The following ARL15 variants were observed in gnomAD, a reference collection of about 807,000 sequenced individuals.
ARL15 encodes the protein ADP-ribosylation factor-like protein 15.
In ARL15, 19 loss-of-function variants were observed where a neutral mutation model predicts 25.2. The ratio of observed to expected loss-of-function variants is 0.75; its 90% CI spans 0.53 to 1.10. The LOEUF (loss-of-function observed/expected upper bound fraction) is 1.10. Ranked by LOEUF, ARL15 falls within the 50% of genes least tolerant of loss-of-function variation. The pLI is 0.00. For missense variants in ARL15, 220 were observed against 246.0 expected (o/e 0.89, Z 0.71); for synonymous variants, 94 against 86.8 (o/e 1.08, Z -0.46).
At chr5:54,110,074 A>C (rs35727162) in intron 4 of ARL15, among the ~76,000 whole-genome samples, 2,107 of 152,124 alleles carry the variant, frequency 0.014, 39 homozygotes, top group Middle Eastern at 0.044. Context: ...GTACAAGACT[A>C]CACTTGCTTT....
intron 3 of ARL15, among the ~76,000 whole-genome samples, chr5:54,117,364 G>GACACACAC (rs776020187): frequency 0.1 from 9,341 of 90,830 alleles, 382 homozygotes; most frequent in South Asian, 0.13. Flanking sequence ...CAAATAGTGA[G>GACACACAC]ACACATACAC....
At chr5:54,085,125 A>C (rs1269192834) in intron 4 of ARL15, among the ~76,000 whole-genome samples, 10 of 152,216 alleles carry the variant, frequency 6.6e-5, no homozygotes, top group Admixed American at 2.0e-4. Context: ...CTGAAATGAC[A>C]CTGCTACCAT....
chr5:54,249,018 T>C (rs964634500), intron 1 of ARL15, among the ~76,000 whole-genome samples: 2 of 151,998 alleles, frequency 1.3e-5, no homozygotes, highest in Non-Finnish European at 2.9e-5. Context: ...ACCTGGGCAC[T>C]GCAGTGAGAC....
chr5:54,217,719 G>C (rs891405977), intron 1 of ARL15, among the ~76,000 whole-genome samples: 1 of 152,050 alleles, frequency 6.6e-6, no homozygotes, highest in South Asian at 2.1e-4. Flanking sequence ...GTTACCCTCG[G>C]TAGAATTAGA....
chr5:54,174,073 T>G (rs1754794686), intron 1 of ARL15, among the ~76,000 whole-genome samples: 1 of 152,194 alleles, frequency 6.6e-6, no homozygotes. Flanking sequence ...CACAGACAAT[T>G]GCAGTTTCTT....
intron 4 of ARL15, among the ~76,000 whole-genome samples, chr5:54,089,566 T>C (rs1654818063): frequency 6.6e-6 from 1 of 152,192 alleles, no homozygotes; most frequent in African/African-American, 2.4e-5. Flanking sequence ...CATTTATCTA[T>C]TTAAATAAGT....
chr5:54,023,873 C>A (rs545227151), intron 4 of ARL15, among the ~76,000 whole-genome samples: 2 of 152,284 alleles, frequency 1.3e-5, no homozygotes, highest in East Asian at 1.9e-4. Context: ...CACGAACCAT[C>A]GTGTCTGCTC....
At chr5:54,177,948 A>G (rs1044327175) in intron 1 of ARL15, among the ~76,000 whole-genome samples, 10 of 152,202 alleles carry the variant, frequency 6.6e-5, no homozygotes, top group African/African-American at 2.2e-4. Context: ...GACTAGCACT[A>G]CAGTTAATAC....
chr5:54,110,255 G>A (rs562096266), intron 4 of ARL15, among the ~76,000 whole-genome samples: 1 of 152,016 alleles, frequency 6.6e-6, no homozygotes, highest in South Asian at 2.1e-4. Flanking sequence ...TCTCTTTGGA[G>A]TCCCACTGAT....
intron 4 of ARL15, among the ~76,000 whole-genome samples, chr5:54,112,856 T>A (rs1047351391): frequency 1.3e-5 from 2 of 152,144 alleles, no homozygotes; most frequent in African/African-American, 4.8e-5. Context: ...ATACTCACGA[T>A]ATGTTCCTAG....
intron 4 of ARL15, among the ~76,000 whole-genome samples, chr5:53,999,421 C>A (rs1305416643): frequency 1.3e-5 from 2 of 151,478 alleles, no homozygotes; most frequent in East Asian, 2.0e-4. Context: ...AAATCCCGTT[C>A]CTGCTAAAAA....
rs956984996 is a variant in ARL15, at chr5:54,145,519, C to T, written c.253+9061G>A. Reference sequence around the variant, plus strand: ...GAGTTGCCATTCCATTTATGGGAATCTAGTTTTATGTTTTTCTGAGAACTT... The same window carrying T: ...GAGTTGCCATTCCATTTATGGGAATTTAGTTTTATGTTTTTCTGAGAACTT... On this transcript the variant is annotated intron_variant, in intron 3 of 4. Coordinates refer to ENST00000504924, the MANE Select transcript of ARL15 (RefSeq NM_019087.3). Among the ~76,000 whole-genome samples the T allele has an allele frequency of 2.0e-5, 3 of 152,048 alleles. No homozygotes were observed. The South Asian group carries it at 6.2e-4, about 32-fold the overall frequency.
chr5:54,149,914 T>G (rs543913281), intron 3 of ARL15, among the ~76,000 whole-genome samples: 2 of 152,142 alleles, frequency 1.3e-5, no homozygotes, highest in Non-Finnish European at 2.9e-5. Flanking sequence ...AAACAAAAAG[T>G]TCACGAAGTA....
In ARL15 at chr5:53,927,958, A is replaced by G. The variant is rs776993988; in HGVS notation, c.463-41245T>C. ...CCTCATCTGTAAGATGTTGCTAATA[A>G]TAACATGTATCTTTAAGGCTATTGT... On this transcript the variant is annotated intron_variant, in intron 4 of 4. Transcript: ENST00000504924. Among the ~76,000 whole-genome samples, 48 of 152,158 alleles carry G rather than the reference A, an allele frequency of 3.2e-4. 1 individual carries two copies. The highest frequency in any genetic ancestry group is 2.6e-4 in the Admixed American group (4 of 15,278).
chr5:53,924,016 C>T (rs1561151499), intron 4 of ARL15, among the ~76,000 whole-genome samples: 2 of 152,118 alleles, frequency 1.3e-5, no homozygotes, highest in Non-Finnish European at 2.9e-5. Flanking sequence ...GAAAGCAGAA[C>T]GTTGAAGATA....
At chr5:54,185,064 G>A (rs1231748986) in intron 1 of ARL15, among the ~76,000 whole-genome samples, 1 of 152,100 alleles carries the variant, frequency 6.6e-6, no homozygotes, top group Non-Finnish European at 1.5e-5. Context: ...GCATCCAATA[G>A]TTGTTATGGG....
At chr5:54,049,676 C>T (rs1579738862) in intron 4 of ARL15, among the ~76,000 whole-genome samples, 1 of 152,074 alleles carries the variant, frequency 6.6e-6, no homozygotes, top group East Asian at 1.9e-4. Context: ...TCTCGGCTCA[C>T]TACAACCTCT....
intron 4 of ARL15, among the ~76,000 whole-genome samples, chr5:54,097,299 G>A (rs200768650): frequency 5.4e-4 from 2 of 3,692 alleles, no homozygotes; most frequent in African/African-American, 9.0e-4. Context: ...CCTGGTGACA[G>A]AGTGAGACTC....
chr5:54,226,753 A>T (rs1244533982), intron 1 of ARL15, among the ~76,000 whole-genome samples: 1 of 151,984 alleles, frequency 6.6e-6, no homozygotes, highest in Non-Finnish European at 1.5e-5. Flanking sequence ...CAAGGACCTG[A>T]CTCTTTGTTC....
Sources: gnomAD v4.1 joint callset for allele counts (sites outside exome capture counted in the v4.1 genomes callset) on GRCh38, gnomAD v4.1.1 for gene constraint, MANE v1.5 for transcripts, NCBI Gene and HGNC (gene_info 2026-07-23, HGNC 2026-07-21) for gene names.